Variants in BTBD10 observed in about 807,000 individuals in gnomAD.
BTBD10 encodes the protein BTB domain containing 10, also known as BTB/POZ domain-containing protein 10.
BTBD10 carries 21 observed loss-of-function variants against 53.2 expected under a neutral mutation model. The observed-to-expected ratio is 0.39, with a 90% confidence interval of 0.28 to 0.57. The LOEUF is 0.57. BTBD10 is among the 20% of genes least tolerant of loss of function. The probability of loss-of-function intolerance (pLI) is 0.53; values close to 1 mark genes in which losing one functional copy is unlikely to be tolerated. For missense variants in BTBD10, 360 were observed against 594.7 expected (o/e 0.61, Z 4.10); for synonymous variants, 149 against 192.7 (o/e 0.77, Z 1.88).
intron 2 of BTBD10, among the ~76,000 whole-genome samples, chr11:13,433,737 T>C (rs902242764): frequency 6.6e-6 from 1 of 152,180 alleles, no homozygotes; most frequent in African/African-American, 2.4e-5. Context: ...GTTGAGTGGT[T>C]AGGACAGAGA....
At chr11:13,420,216 C>T (rs1950215960) in intron 3 of BTBD10, among the ~76,000 whole-genome samples, 1 of 151,908 alleles carries the variant, frequency 6.6e-6, no homozygotes, top group Non-Finnish European at 1.5e-5. Context: ...AATCTCACTA[C>T]GTTAATAAGG....
intron 1 of BTBD10, among the ~76,000 whole-genome samples, chr11:13,450,605 A>G (rs1950839515): frequency 6.6e-6 from 1 of 152,238 alleles, no homozygotes. Context: ...AGTGTAACAT[A>G]AATCCAAAAA....
intron 1 of BTBD10, among the ~76,000 whole-genome samples, chr11:13,447,140 CTCTT>C (rs943407491): frequency 2.0e-5 from 3 of 151,846 alleles, no homozygotes; most frequent in African/African-American, 4.8e-5. Flanking sequence ...TTTCTTCTTT[CTCTT>C]TATCTCTCCT....
chr11:13,390,485 A>C (rs1199957060), intron 8 of BTBD10, among the ~76,000 whole-genome samples: 1 of 151,996 alleles, frequency 6.6e-6, no homozygotes, highest in Admixed American at 6.6e-5. Flanking sequence ...CTGGGACTAC[A>C]GGCGCCTGCC....
chr11:13,440,336 T>C (rs1038783448), intron 2 of BTBD10: 10 of 1,076,400 alleles, frequency 9.3e-6, no homozygotes, highest in Non-Finnish European at 1.1e-5. Flanking sequence ...TTGTAATTGA[T>C]AGACAGGCAT....
At chr11:13,452,005 C>CA (rs1363826100) in intron 1 of BTBD10, among the ~76,000 whole-genome samples, 1 of 150,826 alleles carries the variant, frequency 6.6e-6, no homozygotes, top group East Asian at 1.9e-4. Flanking sequence ...ATGGAGATAA[C>CA]AAAAAAAACC....
intron 2 of BTBD10, among the ~76,000 whole-genome samples, chr11:13,423,798 C>G (rs888000927): frequency 2.0e-5 from 3 of 152,102 alleles, no homozygotes; most frequent in African/African-American, 4.8e-5. Flanking sequence ...AATACCAGGA[C>G]AGAAGATAAA....
At chr11:13,437,122 C>T (rs1950557677) in intron 2 of BTBD10, among the ~76,000 whole-genome samples, 1 of 152,212 alleles carries the variant, frequency 6.6e-6, no homozygotes, top group African/African-American at 2.4e-5. Flanking sequence ...AAACTGGCAA[C>T]ATACCCAACT....
chr11:13,429,258 A>G (rs1477373379), intron 2 of BTBD10, among the ~76,000 whole-genome samples: 2 of 152,316 alleles, frequency 1.3e-5, no homozygotes, highest in Middle Eastern at 3.4e-3. Context: ...CCAATGGAAA[A>G]CCAAGTAGGC....
At chr11:13,423,394 G>A (rs902223714) in intron 2 of BTBD10, among the ~76,000 whole-genome samples, 4 of 152,098 alleles carry the variant, frequency 2.6e-5, no homozygotes, top group Non-Finnish European at 5.9e-5. Context: ...AAGGTGAATA[G>A]GTGAATTAAA....
intron 8 of BTBD10, among the ~76,000 whole-genome samples, chr11:13,400,226 C>G (rs1949679448): frequency 6.6e-6 from 1 of 152,354 alleles, no homozygotes; most frequent in South Asian, 2.1e-4. Context: ...ATTTGTTTAC[C>G]TACTTAAGTC....
At chr11:13,449,423 T>C (rs1230096362) in intron 1 of BTBD10, among the ~76,000 whole-genome samples, 2 of 151,992 alleles carry the variant, frequency 1.3e-5, no homozygotes, top group Non-Finnish European at 2.9e-5. Context: ...AAAAAGCCCA[T>C]GTTATTTCCA....
chr11:13,417,418 T>C (rs1248220519), intron 4 of BTBD10, among the ~76,000 whole-genome samples, 158 bp from the exon 5 acceptor site: 1 of 152,212 alleles, frequency 6.6e-6, no homozygotes, highest in African/African-American at 2.4e-5. Context: ...AAAGAAAGAA[T>C]ATTAAAAACA....
chr11:13,421,689 G>A lies in BTBD10; in HGVS notation c.251C>T (p.Thr84Ile). 1.2e-6 allele frequency: 2 copies of A among 1,614,046 alleles called. No homozygotes were observed. Among genetic ancestry groups the A allele is most frequent in the Non-Finnish European group, 1.7e-6 (2 of 1,179,992 alleles). The change falls in exon 3 of 9, where the codon ACT becomes ATT. Residue 84 changes from threonine to isoleucine, a missense_variant. Transcript: ENST00000278174. ...SSHERTESQLTPCIRNVTSPT... is the reference protein window; with the variant it reads ...SSHERTESQLIPCIRNVTSPT... ...AGAAGTCACATTTCTAATACAAGGA[G>A]TGAGCTGAGACTCCGTTCTTTCATG...
chr11:13,394,659 T>C (rs978292384), intron 8 of BTBD10, among the ~76,000 whole-genome samples: 21 of 152,144 alleles, frequency 1.4e-4, no homozygotes, highest in African/African-American at 4.3e-4. Context: ...ACTCGTCATT[T>C]AGCATTAGCT....
At chr11:13,395,687 C>T (rs1186284942) in intron 8 of BTBD10, among the ~76,000 whole-genome samples, 1 of 152,118 alleles carries the variant, frequency 6.6e-6, no homozygotes, top group Admixed American at 6.5e-5. Context: ...ACATGTAAGT[C>T]TTTAATCCAT....
chr11:13,446,226 T>A (rs928926148), intron 1 of BTBD10, among the ~76,000 whole-genome samples: 38 of 152,136 alleles, frequency 2.5e-4, no homozygotes, highest in African/African-American at 9.2e-4. Flanking sequence ...ACCTTCTATA[T>A]ACTTTTCCAA....
intron 2 of BTBD10, among the ~76,000 whole-genome samples, chr11:13,437,789 A>G (rs1036118736): frequency 4.6e-5 from 7 of 152,132 alleles, no homozygotes; most frequent in African/African-American, 1.7e-4. Flanking sequence ...TAATTCCAAA[A>G]TCTCCTACCT....
At chr11:13,439,941 A>G in intron 2 of BTBD10, 1 of 1,534,902 alleles carries the variant, frequency 6.5e-7, no homozygotes, top group Non-Finnish European at 8.7e-7. Flanking sequence ...TTTTGAAATC[A>G]GAGTATAAAG....
Sources: gnomAD v4.1 joint callset for allele counts (sites outside exome capture counted in the v4.1 genomes callset) on GRCh38, gnomAD v4.1.1 for gene constraint, MANE v1.5 for transcripts, NCBI Gene and HGNC (gene_info 2026-07-23, HGNC 2026-07-21) for gene names.